PHF21B: variants seen among roughly 807,000 people sequenced by gnomAD.
The protein encoded by PHF21B is PHD finger protein 4.
In PHF21B, 22 loss-of-function variants were observed where a neutral mutation model predicts 62.2. The ratio of observed to expected loss-of-function variants is 0.35; its 90% confidence interval spans 0.25 to 0.51. The LOEUF (loss-of-function observed/expected upper bound fraction) is 0.51. Ranked by LOEUF, PHF21B falls within the 20% of genes least tolerant of loss-of-function variation. The pLI is 0.97. For synonymous variants in PHF21B, 341 were observed against 314.7 expected (o/e 1.08, Z -0.88); for missense variants, 701 against 707.9 (o/e 0.99, Z 0.11).
Position 45,008,571 on chromosome 22 carries a change from G to T in PHF21B, c.94C>A (p.Arg32=). 6.3e-7 allele frequency: 1 copy of T among 1,589,518 alleles called. No individual in the cohort carries two copies. Among genetic ancestry groups the T allele is most frequent in the Non-Finnish European group, 8.6e-7 (1 of 1,168,742 alleles). Residue 32 remains arginine (R), a synonymous_variant, in exon 2 of 13, where the codon CGG becomes AGG. Transcript: ENST00000313237. ...LKKQLHERQP[R]IAALSDKQAL... is the part of the protein sequence containing the mutation. ...TGTTTGTCGCTGAGCGCGGCGATCC[G>T]CGGCTGCCTTTCGTGGAGCTGCTTC...
chr22:44,884,682 A>G (rs2070820631), intron 12 of PHF21B, among the ~76,000 whole-genome samples: 1 of 151,536 alleles, frequency 6.6e-6, no homozygotes, highest in Non-Finnish European at 1.5e-5. Flanking sequence ...CACCATCATC[A>G]CCATCATCAT....
chr22:44,924,405 C>T (rs1328919618), intron 2 of PHF21B, among the ~76,000 whole-genome samples: 1 of 152,168 alleles, frequency 6.6e-6, no homozygotes, highest in Non-Finnish European at 1.5e-5. Context: ...ATGAACAGAA[C>T]GTATGTGTCC....
At chr22:45,007,187 G>A (rs1019766680) in intron 2 of PHF21B, among the ~76,000 whole-genome samples, 2 of 150,712 alleles carry the variant, frequency 1.3e-5, no homozygotes, top group South Asian at 2.1e-4. Context: ...ACCAGGCGCG[G>A]GCCGCGGCAC....
chr22:44,942,968 C>T (rs1033433978), intron 2 of PHF21B, among the ~76,000 whole-genome samples: 3 of 148,352 alleles, frequency 2.0e-5, no homozygotes, highest in African/African-American at 7.5e-5. Context: ...AGGCAGGGAC[C>T]CACAGGCGGA....
At chr22:44,948,240 A>G (rs1158475015) in intron 2 of PHF21B, among the ~76,000 whole-genome samples, 1 of 152,216 alleles carries the variant, frequency 6.6e-6, no homozygotes, top group Non-Finnish European at 1.5e-5. Flanking sequence ...GACTCACCAT[A>G]ACATAGCATA....
intron 5 of PHF21B, among the ~76,000 whole-genome samples, chr22:44,912,468 G>A (rs575540952): frequency 4.6e-5 from 7 of 151,970 alleles, no homozygotes; most frequent in Non-Finnish European, 7.4e-5. Context: ...TGCTGTTCTC[G>A]TGATAGTGAA....
At chr22:44,959,878 C>A (rs963202647) in intron 2 of PHF21B, among the ~76,000 whole-genome samples, 2 of 152,208 alleles carry the variant, frequency 1.3e-5, no homozygotes, top group African/African-American at 4.8e-5. Context: ...AGAGCAACAG[C>A]AAGGGCAGGG....
chr22:44,923,904 GGGA>G (rs935202809), intron 2 of PHF21B, among the ~76,000 whole-genome samples: 22 of 151,990 alleles, frequency 1.4e-4, no homozygotes, highest in African/African-American at 5.1e-4. Context: ...TCAGCTGCTT[GGGA>G]GGCTGAGGCA....
chr22:44,899,076 C>T (rs2071109686), intron 5 of PHF21B, among the ~76,000 whole-genome samples: 1 of 152,142 alleles, frequency 6.6e-6, no homozygotes, highest in Non-Finnish European at 1.5e-5. Context: ...ATTAGAATAT[C>T]CCTTCACTGT....
chr22:44,938,517 G>A (rs1205405992), intron 2 of PHF21B, among the ~76,000 whole-genome samples: 1 of 152,250 alleles, frequency 6.6e-6, no homozygotes, highest in Non-Finnish European at 1.5e-5. Flanking sequence ...ACAGGCGTGA[G>A]CCACTGCGCC....
intron 2 of PHF21B, among the ~76,000 whole-genome samples, chr22:44,991,059 G>C (rs746024209): frequency 2.0e-5 from 3 of 152,196 alleles, no homozygotes; most frequent in Non-Finnish European, 2.9e-5. Flanking sequence ...GGGCTGTCAC[G>C]AGGGTGCCGT....
intron 2 of PHF21B, among the ~76,000 whole-genome samples, chr22:44,935,176 C>A (rs755128681): frequency 6.6e-6 from 1 of 152,158 alleles, no homozygotes; most frequent in Non-Finnish European, 1.5e-5. Context: ...AGGAACATAG[C>A]CCAAAGATCT....
At chr22:44,926,846 G>A (rs185351406) in intron 2 of PHF21B, among the ~76,000 whole-genome samples, 7 of 152,134 alleles carry the variant, frequency 4.6e-5, no homozygotes, top group Non-Finnish European at 7.4e-5. Flanking sequence ...CATGTGGGCC[G>A]GGAGTGACCG....
At chr22:44,923,758 T>C (rs543766240) in intron 2 of PHF21B, among the ~76,000 whole-genome samples, 2 of 152,258 alleles carry the variant, frequency 1.3e-5, no homozygotes, top group South Asian at 2.1e-4. Flanking sequence ...TGCCTCATGC[T>C]TGAAATCCCA....
intron 5 of PHF21B, among the ~76,000 whole-genome samples, chr22:44,898,483 T>C (rs1182226166): frequency 6.6e-6 from 1 of 152,146 alleles, no homozygotes. Flanking sequence ...CATACCATAC[T>C]TATTGGGAAT....
chr22:44,972,204 T>G (rs2072651925), intron 2 of PHF21B, among the ~76,000 whole-genome samples: 1 of 152,258 alleles, frequency 6.6e-6, no homozygotes, highest in Non-Finnish European at 1.5e-5. Flanking sequence ...CATCAACTTC[T>G]TACCAGAGAC....
At chr22:44,986,521 CAAAAAAAAAAA>C (rs3063310) in intron 2 of PHF21B, among the ~76,000 whole-genome samples, 23 of 85,884 alleles carry the variant, frequency 2.7e-4, no homozygotes, top group South Asian at 4.4e-4. Flanking sequence ...GATCTTATTT[CAAAAAAAAAAA>C]AAAAAAAAAA....
At chr22:44,884,773 C>CCACCACCATTACGACCAACACCATATCAT (rs2070824241) in intron 12 of PHF21B, among the ~76,000 whole-genome samples, 1 of 151,596 alleles carries the variant, frequency 6.6e-6, no homozygotes, top group South Asian at 2.1e-4. Flanking sequence ...ACCACCATCA[C>CCACCACCATTACGACCAACACCATATCAT]CATCACCACC....
intron 2 of PHF21B, among the ~76,000 whole-genome samples, chr22:44,961,617 G>A (rs1263921544): frequency 6.6e-6 from 1 of 152,088 alleles, no homozygotes. Flanking sequence ...TACGTGGGCA[G>A]AGCACCTGAG....
Sources: allele counts gnomAD v4.1 joint callset (sites outside exome capture counted in the v4.1 genomes callset), GRCh38; gene constraint gnomAD v4.1.1; transcripts MANE v1.5; gene names NCBI Gene and HGNC (gene_info 2026-07-23, HGNC 2026-07-21).